Variants in SCHIP1 observed in about 807,000 individuals in gnomAD.
The protein encoded by SCHIP1 is schwannomin interacting protein 1.
A neutral mutation model predicts 29.7 loss-of-function variants in SCHIP1; 8 were observed. That is an observed-to-expected ratio of 0.27 (90% CI 0.16 to 0.49). The LOEUF is 0.49. Ranked by LOEUF, SCHIP1 falls within the 20% of genes least tolerant of loss-of-function variation. The pLI is 0.99. For missense variants in SCHIP1, 193 were observed against 294.6 expected (o/e 0.66, Z 2.52); for synonymous variants, 76 against 94.9 (o/e 0.80, Z 1.16).
the SCHIP1 span, among the ~76,000 whole-genome samples, chr3:159,405,465 T>C: frequency 2.6e-5 from 4 of 152,198 alleles, no homozygotes; most frequent in African/African-American, 9.7e-5. Context: ...TTAAAAAGAA[T>C]TCAGCAGAAA....
At chr3:159,498,013 A>G in the SCHIP1 span, among the ~76,000 whole-genome samples, 3 of 152,214 alleles carry the variant, frequency 2.0e-5, no homozygotes, top group Admixed American at 6.5e-5. Flanking sequence ...TCTCTCCCTG[A>G]TAGAAATAGT....
chr3:159,419,103 C>G, the SCHIP1 span, among the ~76,000 whole-genome samples: 1 of 152,206 alleles, frequency 6.6e-6, no homozygotes, highest in Non-Finnish European at 1.5e-5. Context: ...CAACTCACAT[C>G]TCAGGAATGA....
chr3:159,542,674 G>A, the SCHIP1 span, among the ~76,000 whole-genome samples: 1 of 151,918 alleles, frequency 6.6e-6, no homozygotes, highest in African/African-American at 2.4e-5. Flanking sequence ...CCACCTCCAG[G>A]TCCATTCAGC....
chr3:159,319,612 G>C, the SCHIP1 span, among the ~76,000 whole-genome samples: 1 of 152,322 alleles, frequency 6.6e-6, no homozygotes, highest in Non-Finnish European at 1.5e-5. Context: ...ATGTCAATGA[G>C]AGAAACATTT....
chr3:159,373,097 A>C, the SCHIP1 span, among the ~76,000 whole-genome samples: 1 of 152,114 alleles, frequency 6.6e-6, no homozygotes, highest in South Asian at 2.1e-4. Flanking sequence ...ACAGAAAAAC[A>C]CAAGGCCACA....
the SCHIP1 span, among the ~76,000 whole-genome samples, chr3:159,695,666 T>TA: frequency 6.6e-6 from 1 of 152,154 alleles, no homozygotes; most frequent in Non-Finnish European, 1.5e-5. Flanking sequence ...ACATACTGGT[T>TA]AAAAAAACTT....
the SCHIP1 span, among the ~76,000 whole-genome samples, chr3:159,405,451 A>G: frequency 6.6e-6 from 1 of 152,260 alleles, no homozygotes; most frequent in Non-Finnish European, 1.5e-5. Context: ...AAGAAATTGA[A>G]TAATTAAAAA....
chr3:159,666,222 A>T, the SCHIP1 span, among the ~76,000 whole-genome samples: 3 of 152,228 alleles, frequency 2.0e-5, no homozygotes, highest in Admixed American at 6.5e-5. Context: ...CATAGATTGC[A>T]AAGTGAATAG....
At chr3:159,335,758 G>C in the SCHIP1 span, among the ~76,000 whole-genome samples, 2 of 152,168 alleles carry the variant, frequency 1.3e-5, no homozygotes, top group Non-Finnish European at 2.9e-5. Context: ...GGAAATTTGG[G>C]TTGGTTCCAA....
chr3:159,880,850 A>G (rs1716365499), intron 2 of SCHIP1, among the ~76,000 whole-genome samples: 1 of 152,244 alleles, frequency 6.6e-6, no homozygotes, highest in African/African-American at 2.4e-5. Flanking sequence ...TTGTTGGACC[A>G]GCATTATTTG....
At chr3:159,803,055 T>C in the SCHIP1 span, among the ~76,000 whole-genome samples, 3 of 152,170 alleles carry the variant, frequency 2.0e-5, no homozygotes, top group Non-Finnish European at 4.4e-5. Flanking sequence ...ACGTGACACC[T>C]CTGCTTAAAT....
the SCHIP1 span, among the ~76,000 whole-genome samples, chr3:159,736,484 C>T: frequency 6.6e-6 from 1 of 152,204 alleles, no homozygotes; most frequent in Admixed American, 6.5e-5. Context: ...CTCCCTTCTT[C>T]CCCAACTCCC....
the SCHIP1 span, among the ~76,000 whole-genome samples, chr3:159,492,564 AGAAAT>A: frequency 6.6e-6 from 1 of 152,230 alleles, no homozygotes; most frequent in East Asian, 1.9e-4. Flanking sequence ...AAGAATAAAA[AGAAAT>A]GAACAAAGCC....
At chr3:159,573,490 A>T in the SCHIP1 span, among the ~76,000 whole-genome samples, 9 of 152,152 alleles carry the variant, frequency 5.9e-5, no homozygotes, top group Admixed American at 5.2e-4. Flanking sequence ...TGTTAGTCTG[A>T]TGGGCTTCCT....
chr3:159,481,359 T>A, the SCHIP1 span, among the ~76,000 whole-genome samples: 2 of 152,194 alleles, frequency 1.3e-5, no homozygotes, highest in African/African-American at 4.8e-5. Flanking sequence ...TCTACAGCTC[T>A]GAAGAGATCA....
At chr3:159,657,497 A>C in the SCHIP1 span, among the ~76,000 whole-genome samples, 2 of 152,232 alleles carry the variant, frequency 1.3e-5, no homozygotes, top group African/African-American at 4.8e-5. Flanking sequence ...CACACAGTCT[A>C]AACTGACCAA....
the SCHIP1 span, among the ~76,000 whole-genome samples, chr3:159,704,363 A>G: frequency 7.5e-6 from 1 of 134,106 alleles, no homozygotes; most frequent in African/African-American, 2.8e-5. Flanking sequence ...TGAACCTGGG[A>G]GGCGGAGGTT....
the SCHIP1 span, among the ~76,000 whole-genome samples, chr3:159,593,665 C>T: frequency 6.6e-6 from 1 of 151,890 alleles, no homozygotes; most frequent in Non-Finnish European, 1.5e-5. Flanking sequence ...ACAGAAGGAA[C>T]CTGACTCTCC....
At chr3:159,761,578 G>A in the SCHIP1 span, among the ~76,000 whole-genome samples, 1 of 152,296 alleles carries the variant, frequency 6.6e-6, no homozygotes, top group African/African-American at 2.4e-5. Flanking sequence ...CTGTTCCAAA[G>A]TGGGAGGGTT....
Sources: allele counts gnomAD v4.1 joint callset (sites outside exome capture counted in the v4.1 genomes callset), GRCh38; gene constraint gnomAD v4.1.1; transcripts MANE v1.5; gene names NCBI Gene and HGNC (gene_info 2026-07-23, HGNC 2026-07-21).